The following OTOP3 variants were observed in gnomAD, a reference collection of about 807,000 sequenced individuals.
OTOP3 encodes proton channel OTOP3.
Under a neutral mutation model 50.8 loss-of-function variants are expected in OTOP3, and 41 were observed. That is an observed-to-expected ratio of 0.81 (90% CI 0.63 to 1.05). The LOEUF is 1.05. Among genes scored for constraint, OTOP3 ranks in the 50% least tolerant of loss-of-function variants. The probability of loss-of-function intolerance (pLI) is 0.00; values close to 1 mark genes in which losing one functional copy is unlikely to be tolerated. For synonymous variants in OTOP3, 320 were observed against 324.4 expected (o/e 0.99, Z 0.14); for missense variants, 788 against 760.8 (o/e 1.04, Z -0.42).
At chr17:74,944,059 T>A (rs1324513854) in intron 5 of OTOP3, among the ~76,000 whole-genome samples, 2 of 151,940 alleles carry the variant, frequency 1.3e-5, no homozygotes, top group East Asian at 3.9e-4. Flanking sequence ...TGCAAGCAAC[T>A]CAACAGCCTC....
intron 5 of OTOP3, 100 bp from the exon 6 acceptor site, chr17:74,946,561 C>T (rs907949503): frequency 2.8e-6 from 3 of 1,081,714 alleles, no homozygotes; most frequent in Non-Finnish European, 4.0e-6. Context: ...TCGCTTTCAG[C>T]TCTAGTGTAT....
At position 74,938,314 on chromosome 17, in the gene OTOP3, C is replaced by T. The variant is rs184435981; in HGVS notation, c.19+2374C>T. ...GTCTTCTGGTGTTGCATAGAGGGCA[C>T]GTCTGAAGCTCCTGAAGCCTGGGGT... is the stretch of plus-strand genomic sequence containing the variant. On this transcript the variant is annotated intron_variant, in intron 1 of 6. Coordinates refer to ENST00000328801, the MANE Select transcript of OTOP3 (RefSeq NM_001272005.2). Among the ~76,000 whole-genome samples the T allele has an allele frequency of 2.9e-4, 44 of 152,072 alleles. 1 individual carries two copies. Among genetic ancestry groups the T allele is most frequent in the African/African-American group, 9.2e-4 (38 of 41,470 alleles).
In OTOP3 at chr17:74,947,193, C is replaced by T. The variant is rs1452280321; in HGVS notation, c.1284C>T (p.Leu428=). 1 of 1,613,808 alleles carries T rather than the reference C, an allele frequency of 6.2e-7. No individual in the cohort carries two copies. The highest frequency in any genetic ancestry group is 1.3e-5 in the African/African-American group (1 of 74,954). ...AIVAKRPHEL[L]NRLILAYSLL... is the part of the protein sequence containing the mutation. The stretch of plus-strand genomic sequence containing the variant: ...TGGCCAAGCGCCCGCATGAGCTGCT[C>T]AACCGCCTCATCCTGGCCTACTCGC... The change falls in exon 6 of 7, where the codon CTC becomes CTT. Residue 428 remains leucine (L), a synonymous_variant. Transcript: ENST00000328801.
In OTOP3 at chr17:74,947,180, C is replaced by T. The variant is rs548321767; in HGVS notation, c.1271C>T (p.Pro424Leu). 2.0e-5 allele frequency: 33 copies of T among 1,613,992 alleles called. No individual in the cohort carries two copies. Among genetic ancestry groups the T allele is most frequent in the Admixed American group, 5.0e-5 (3 of 60,034 alleles). ...ATCGTGGCCATTGTGGCCAAGCGCC[C>T]GCATGAGCTGCTCAACCGCCTCATC... is the stretch of plus-strand genomic sequence containing the variant. ...FSIVAIVAKR[P>L]HELLNRLILA... is the part of the protein sequence containing the mutation. The change falls in exon 6 of 7, where the codon CCG becomes CTG. Residue 424 changes from proline to leucine, a missense_variant. By Grantham distance (98) the Pro-to-Leu change is moderately conservative (BLOSUM62 -3). Transcript: ENST00000328801.
At position 74,936,689 on chromosome 17, in the gene OTOP3, C is replaced by T. The variant is rs190972076; in HGVS notation, c.19+749C>T. Among the ~76,000 whole-genome samples, 434 of 152,238 alleles carry T rather than the reference C, an allele frequency of 2.9e-3. 2 individuals carry two copies. The highest frequency in any genetic ancestry group is 9.8e-3 in the African/African-American group (409 of 41,528). On this transcript the variant is annotated intron_variant, in intron 1 of 6. Transcript: ENST00000328801. ...ACGGGGGATACTGTCAGGGCAAAGACCCCAGAGGAAGGGAACCTGGAACCT... is the reference window on the plus strand; with the variant it reads ...ACGGGGGATACTGTCAGGGCAAAGATCCCAGAGGAAGGGAACCTGGAACCT...
At chr17:74,945,136 T>C (rs1168988182) in intron 5 of OTOP3, among the ~76,000 whole-genome samples, 1 of 152,112 alleles carries the variant, frequency 6.6e-6, no homozygotes, top group Non-Finnish European at 1.5e-5. Flanking sequence ...TTTGTAAAGA[T>C]GGAGTCTCAC....
chr17:74,947,216 C>T lies in OTOP3; in HGVS notation c.1307C>T (p.Ser436Leu), dbSNP rs185047535. The T allele has an allele frequency of 4.0e-5, 65 of 1,613,982 alleles. No homozygotes were observed. Among genetic ancestry groups the T allele is most frequent in the Non-Finnish European group, 5.2e-5 (61 of 1,180,022 alleles). ...ELLNRLILAY[S>L]LLLILQHIAQ... ...CTCAACCGCCTCATCCTGGCCTACTCGCTGCTGCTCATCCTGCAGCACATC... is the reference window on the plus strand; with the variant it reads ...CTCAACCGCCTCATCCTGGCCTACTTGCTGCTGCTCATCCTGCAGCACATC... Residue 436 changes from serine to leucine, a missense_variant, in exon 6 of 7, where the codon TCG (serine) becomes TTG (leucine). Coordinates refer to ENST00000328801, the MANE Select transcript of OTOP3 (RefSeq NM_001272005.2).
intron 1 of OTOP3, among the ~76,000 whole-genome samples, chr17:74,939,811 C>A (rs542608992): frequency 6.6e-6 from 1 of 152,174 alleles, no homozygotes; most frequent in Admixed American, 6.5e-5. Context: ...GGCGTGGCAG[C>A]GATGCTGATC....
In OTOP3 at chr17:74,943,270, G is replaced by A. The variant is rs2039194586; in HGVS notation, c.574-16G>A. 2 of 1,614,042 alleles carry A rather than the reference G, an allele frequency of 1.2e-6. No individual in the cohort carries two copies. The highest frequency in any genetic ancestry group is 1.6e-4 in the Middle Eastern group (1 of 6,062). On this transcript the variant is annotated splice_polypyrimidine_tract_variant and intron_variant, in intron 3 of 6. Transcript: ENST00000328801. ...ACCTCCACCAGCCCCTGGGCTCAAGGCCCTGTCTCTTTCAGACCTGGGTGC... is the reference window on the plus strand; with the variant it reads ...ACCTCCACCAGCCCCTGGGCTCAAGACCCTGTCTCTTTCAGACCTGGGTGC...
intron 5 of OTOP3, among the ~76,000 whole-genome samples, chr17:74,946,219 C>T (rs1276528090): frequency 6.6e-6 from 1 of 152,146 alleles, no homozygotes; most frequent in South Asian, 2.1e-4. Flanking sequence ...CTCAGGTGAT[C>T]CACCTGCCTC....
intron 6 of OTOP3, among the ~76,000 whole-genome samples, chr17:74,948,089 A>C (rs1042408626): frequency 1.3e-5 from 2 of 152,046 alleles, no homozygotes; most frequent in Non-Finnish European, 2.9e-5. Flanking sequence ...GCAGAGAATA[A>C]ATTGGCTCTA....
chr17:74,948,608 T>G (rs1295931313), intron 6 of OTOP3, among the ~76,000 whole-genome samples: 1 of 152,150 alleles, frequency 6.6e-6, no homozygotes, highest in African/African-American at 2.4e-5. Context: ...TTCAGTGAGC[T>G]GAGATCGTGC....
intron 1 of OTOP3, among the ~76,000 whole-genome samples, chr17:74,937,819 C>T (rs1484260434): frequency 6.6e-6 from 1 of 152,184 alleles, no homozygotes; most frequent in Non-Finnish European, 1.5e-5. Context: ...ACCCACAGCA[C>T]ACCAAACAGG....
intron 1 of OTOP3, among the ~76,000 whole-genome samples, chr17:74,939,110 A>G (rs1476529971): frequency 6.6e-6 from 1 of 152,060 alleles, no homozygotes; most frequent in Non-Finnish European, 1.5e-5. Context: ...GGAGTTCAAG[A>G]TTGCAGTGAG....
At position 74,947,495 on chromosome 17, in the gene OTOP3, G is replaced by A; in HGVS notation, c.1566+20G>A. On this transcript the variant is annotated intron_variant, in intron 6 of 6. Coordinates refer to ENST00000328801, the MANE Select transcript of OTOP3 (RefSeq NM_001272005.2). ...ATCACAGTAAGTGGCTGGGCTAAGG[G>A]GCCTGGAGGGTAGAGGTGGCCAGGC... 1.3e-6 allele frequency: 2 copies of A among 1,565,946 alleles called. No individual in the cohort carries two copies. The highest frequency in any genetic ancestry group is 1.4e-5 in the African/African-American group (1 of 73,832).
Position 74,942,051 on chromosome 17 carries a change from C to A in OTOP3, c.573+14C>A. On this transcript the variant is annotated intron_variant, in intron 3 of 6. Coordinates refer to ENST00000328801, the MANE Select transcript of OTOP3 (RefSeq NM_001272005.2). ...ATCGGCGTCCAGGTGACAGGCTTCT[C>A]ACGTCCCCACATCACCGAGGACATA... 1 of 1,597,916 alleles carries A rather than the reference C, an allele frequency of 6.3e-7. No individual in the cohort carries two copies. The highest frequency in any genetic ancestry group is 1.1e-5 in the South Asian group (1 of 88,578).
chr17:74,949,259 C>T lies in OTOP3; in HGVS notation c.1580C>T (p.Pro527Leu), dbSNP rs2039259302. Residue 527 changes from proline (P) to leucine (L), a missense_variant, in exon 7 of 7, where the codon CCT becomes CTT. By Grantham distance (98) the Pro-to-Leu change is moderately conservative. Coordinates refer to ENST00000328801, the MANE Select transcript of OTOP3 (RefSeq NM_001272005.2). ...CCTCTTCCCCAGCTGTGGATGATGC[C>T]TGCATTTGGCATACACCCGGAGTTT... Reference protein sequence around the residue: ...ILCNITLWMMPAFGIHPEFEN... With the variant: ...ILCNITLWMMLAFGIHPEFEN... 6.2e-7 allele frequency: 1 copy of T among 1,613,968 alleles called. No individual in the cohort carries two copies. The highest frequency in any genetic ancestry group is 8.5e-7 in the Non-Finnish European group (1 of 1,179,948).
intron 1 of OTOP3, among the ~76,000 whole-genome samples, chr17:74,938,721 A>AT (rs1252055834): frequency 6.6e-6 from 1 of 152,158 alleles, no homozygotes; most frequent in Non-Finnish European, 1.5e-5. Context: ...TCTCATTTTG[A>AT]GAGGCCATGC....
At chr17:74,942,178 A>G in intron 3 of OTOP3, 141 bp downstream of exon 3, 3 of 1,027,838 alleles carry the variant, frequency 2.9e-6, no homozygotes, top group Middle Eastern at 3.2e-4. Flanking sequence ...CACACACCAC[A>G]CCCCTCACAC....
Sources: gnomAD v4.1 joint callset for allele counts (sites outside exome capture counted in the v4.1 genomes callset) on GRCh38, gnomAD v4.1.1 for gene constraint, MANE v1.5 for transcripts, NCBI Gene and HGNC (gene_info 2026-07-23, HGNC 2026-07-21) for gene names.